The following NTM variants were observed in gnomAD, a reference collection of about 807,000 sequenced individuals.
NTM encodes IgLON family member 2.
NTM carries 13 observed loss-of-function variants against 42.1 expected under a neutral mutation model. The observed-to-expected ratio is 0.31, with a 90% CI of 0.20 to 0.49. The LOEUF (loss-of-function observed/expected upper bound fraction) is 0.49, where lower values mean the gene tolerates loss of function less well. NTM is among the 20% of genes least tolerant of loss of function. The probability of loss-of-function intolerance (pLI) is 0.99; values close to 1 mark genes in which losing one functional copy is unlikely to be tolerated. For synonymous variants in NTM, 187 were observed against 179.2 expected (o/e 1.04, Z -0.35); for missense variants, 373 against 452.8 (o/e 0.82, Z 1.60).
At chr11:132,144,038 A>G (rs1364209127) in intron 2 of NTM, among the ~76,000 whole-genome samples, 1 of 152,208 alleles carries the variant, frequency 6.6e-6, no homozygotes, top group Admixed American at 6.5e-5. Context: ...TAAAATGCAG[A>G]TTCAAATTTC....
chr11:131,755,208 T>C (rs2135741406), intron 1 of NTM, among the ~76,000 whole-genome samples: 1 of 152,342 alleles, frequency 6.6e-6, no homozygotes, highest in Admixed American at 6.5e-5. Context: ...TAAAAATTGG[T>C]TTAAAAACCT....
At chr11:131,824,943 C>T (rs2041954695) in intron 1 of NTM, among the ~76,000 whole-genome samples, 2 of 152,164 alleles carry the variant, frequency 1.3e-5, no homozygotes, top group East Asian at 1.9e-4. Flanking sequence ...ACGGCATGTA[C>T]GTTAGTTTGC....
chr11:132,052,083 A>G (rs946911132), intron 2 of NTM, among the ~76,000 whole-genome samples: 5 of 152,232 alleles, frequency 3.3e-5, no homozygotes, highest in Admixed American at 1.3e-4. Context: ...GGCCTTTTAT[A>G]TAGAAGCTAA....
intron 3 of NTM, among the ~76,000 whole-genome samples, chr11:132,201,608 A>G (rs1253565542): frequency 6.6e-6 from 1 of 152,222 alleles, no homozygotes. Context: ...GAGAGGATGG[A>G]TGTGAAGAAA....
chr11:131,427,893 C>G (rs1948301005), intron 1 of NTM, among the ~76,000 whole-genome samples: 1 of 152,182 alleles, frequency 6.6e-6, no homozygotes, highest in Admixed American at 6.5e-5. Context: ...CCCATGTTTG[C>G]TTTTCTTCTT....
At chr11:132,242,389 T>G (rs1411686595) in intron 4 of NTM, among the ~76,000 whole-genome samples, 1 of 151,988 alleles carries the variant, frequency 6.6e-6, no homozygotes, top group African/African-American at 2.4e-5. Flanking sequence ...AATGTTACAT[T>G]TAGGGGAAAA....
In NTM at chr11:132,181,016, A is replaced by G. The variant is rs535422236; in HGVS notation, c.401-31006A>G. Among the ~76,000 whole-genome samples the G allele has an allele frequency of 3.3e-5, 5 of 152,358 alleles. No homozygotes were observed. The East Asian group carries it at 9.6e-4, about 29-fold the overall frequency. On this transcript the variant is annotated intron_variant, in intron 3 of 8. Transcript: ENST00000683400. Reference sequence around the variant, plus strand: ...TAACTTAAGGATCTCAGAATAAGTTATACAAGTAAGACAAGTGATTGTGCT... The same window carrying G: ...TAACTTAAGGATCTCAGAATAAGTTGTACAAGTAAGACAAGTGATTGTGCT...
intron 2 of NTM, among the ~76,000 whole-genome samples, chr11:131,975,910 G>A (rs1363204920): frequency 5.3e-5 from 8 of 152,078 alleles, no homozygotes; most frequent in Non-Finnish European, 7.4e-5. Context: ...TGCAGGATCC[G>A]AGATATGATT....
At chr11:131,994,372 T>C (rs1443704757) in intron 2 of NTM, among the ~76,000 whole-genome samples, 1 of 152,080 alleles carries the variant, frequency 6.6e-6, no homozygotes, top group Non-Finnish European at 1.5e-5. Flanking sequence ...AAAAAGATGA[T>C]AGGAGAAAGT....
At chr11:131,575,809 C>T (rs145553440) in intron 1 of NTM, among the ~76,000 whole-genome samples, 39 of 152,280 alleles carry the variant, frequency 2.6e-4, no homozygotes, top group East Asian at 7.7e-4. Flanking sequence ...TTACCTCTAA[C>T]GAACTAACAT....
intron 1 of NTM, among the ~76,000 whole-genome samples, chr11:131,579,740 G>T (rs916863424): frequency 6.6e-6 from 1 of 152,300 alleles, no homozygotes; most frequent in Middle Eastern, 3.4e-3. Flanking sequence ...AGAGATGCAG[G>T]GCTTCACCTG....
In NTM at chr11:132,224,489, G is replaced by A. The variant is rs77085244; in HGVS notation, c.526+12342G>A. 7.9e-3 allele frequency among the ~76,000 whole-genome samples: 1,206 copies of A among 152,262 alleles called. 6 individuals are homozygous for A. The highest frequency in any genetic ancestry group is 0.013 in the Non-Finnish European group (851 of 68,002). On this transcript the variant is annotated intron_variant, in intron 4 of 8. Coordinates refer to ENST00000683400, the MANE Select transcript of NTM (RefSeq NM_001352005.2). The stretch of plus-strand genomic sequence containing the variant: ...GATGCACATGCCTGTATGCACCCTG[G>A]CAATAAGAGATGAGGTGTGTTGGTG...
intron 4 of NTM, among the ~76,000 whole-genome samples, chr11:132,290,091 G>C (rs1213126741): frequency 6.6e-6 from 1 of 152,134 alleles, no homozygotes; most frequent in Non-Finnish European, 1.5e-5. Flanking sequence ...CAAGCTTCCT[G>C]CTATTGTTTA....
At chr11:131,404,399 TAC>T (rs1945585378) in intron 1 of NTM, among the ~76,000 whole-genome samples, 1 of 152,186 alleles carries the variant, frequency 6.6e-6, no homozygotes, top group Non-Finnish European at 1.5e-5. Context: ...GCTTTCTTCT[TAC>T]CTCACTAAAC....
intron 1 of NTM, among the ~76,000 whole-genome samples, chr11:131,803,209 C>T (rs1160660339): frequency 6.6e-6 from 1 of 152,164 alleles, no homozygotes; most frequent in Non-Finnish European, 1.5e-5. Context: ...ACAGAGTTTC[C>T]TGGCATCTTC....
chr11:131,901,520 C>T (rs752000508), intron 1 of NTM, among the ~76,000 whole-genome samples: 31 of 151,974 alleles, frequency 2.0e-4, no homozygotes, highest in Non-Finnish European at 3.5e-4. Context: ...TTTGACAGAT[C>T]ATTGGTAAAA....
intron 1 of NTM, among the ~76,000 whole-genome samples, chr11:131,792,745 TTGGTATTG>T (rs1228897154): frequency 1.6e-4 from 24 of 152,332 alleles, no homozygotes; most frequent in African/African-American, 5.5e-4. Flanking sequence ...GATCTTTGAA[TTGGTATTG>T]CTTTCATCTG....
chr11:132,019,274 T>C (rs2073955085), intron 2 of NTM, among the ~76,000 whole-genome samples: 1 of 151,930 alleles, frequency 6.6e-6, no homozygotes, highest in Non-Finnish European at 1.5e-5. Context: ...TTTTGCCTTT[T>C]TTTAACATAG....
chr11:131,974,293 G>T (rs1021273148), intron 2 of NTM, among the ~76,000 whole-genome samples: 3 of 152,124 alleles, frequency 2.0e-5, no homozygotes, highest in East Asian at 1.9e-4. Context: ...TCAAATGAAT[G>T]AATGAATGAA....
Sources: gnomAD v4.1 joint callset for allele counts (sites outside exome capture counted in the v4.1 genomes callset) on GRCh38, gnomAD v4.1.1 for gene constraint, MANE v1.5 for transcripts, NCBI Gene and HGNC (gene_info 2026-07-23, HGNC 2026-07-21) for gene names.